Variants in KATNIP observed in about 807,000 individuals in gnomAD.
KATNIP encodes katanin-interacting protein.
A neutral mutation model predicts 174.0 loss-of-function variants in KATNIP; 126 were observed. The observed-to-expected ratio is 0.72, with a 90% CI of 0.63 to 0.84. KATNIP has a LOEUF of 0.84. KATNIP is among the 40% of genes least tolerant of loss of function. The pLI is 0.00. For missense variants in KATNIP, 1,958 were observed against 2,109.7 expected (o/e 0.93, Z 1.41); for synonymous variants, 810 against 835.7 (o/e 0.97, Z 0.53).
intron 6 of KATNIP, among the ~76,000 whole-genome samples, chr16:27,661,766 G>C (rs767242212): frequency 6.8e-6 from 1 of 147,274 alleles, no homozygotes; most frequent in Non-Finnish European, 1.5e-5. Context: ...TTGTTTTTCA[G>C]ACAGGGTATT....
intron 14 of KATNIP, among the ~76,000 whole-genome samples, chr16:27,728,992 C>A (rs1363462898): frequency 6.6e-6 from 1 of 152,240 alleles, no homozygotes; most frequent in Non-Finnish European, 1.5e-5. Flanking sequence ...TCCCACCTGC[C>A]TCCTGCCAGG....
At chr16:27,749,453 T>C in intron 15 of KATNIP, 131 bp from the exon 16 acceptor site, 1 of 1,089,858 alleles carries the variant, frequency 9.2e-7, no homozygotes, top group Non-Finnish European at 1.3e-6. Flanking sequence ...ACAACCCCGC[T>C]GGTTTCTAGA....
intron 14 of KATNIP, among the ~76,000 whole-genome samples, chr16:27,733,736 G>A (rs1185272437): frequency 1.3e-5 from 2 of 152,162 alleles, no homozygotes; most frequent in Admixed American, 6.5e-5. Flanking sequence ...GACGACTGGA[G>A]GGGGAGGAAG....
At chr16:27,635,459 A>G (rs1487446085) in intron 5 of KATNIP, among the ~76,000 whole-genome samples, 6 of 152,196 alleles carry the variant, frequency 3.9e-5, no homozygotes, top group African/African-American at 1.4e-4. Flanking sequence ...GCTTTTGGGA[A>G]CCAACCTTAA....
At chr16:27,764,331 T>C (rs1415258062) in intron 19 of KATNIP, among the ~76,000 whole-genome samples, 2 of 152,232 alleles carry the variant, frequency 1.3e-5, no homozygotes, top group Non-Finnish European at 2.9e-5. Flanking sequence ...ATTTTAAACA[T>C]ACAGTACTGC....
chr16:27,752,819 G>A (rs2081569789), intron 17 of KATNIP, among the ~76,000 whole-genome samples: 1 of 152,126 alleles, frequency 6.6e-6, no homozygotes, highest in African/African-American at 2.4e-5. Flanking sequence ...CTCCCAAAGT[G>A]CTGGGATTAC....
intron 2 of KATNIP, among the ~76,000 whole-genome samples, chr16:27,600,958 C>A (rs921540044): frequency 5.6e-4 from 85 of 152,172 alleles, no homozygotes; most frequent in African/African-American, 1.9e-3. Context: ...GTCTCAAACT[C>A]CTGACCTCAG....
intron 3 of KATNIP, among the ~76,000 whole-genome samples, chr16:27,623,877 T>C (rs1461094034): frequency 6.6e-6 from 1 of 152,174 alleles, no homozygotes; most frequent in Non-Finnish European, 1.5e-5. Flanking sequence ...CTGCCCTTTG[T>C]GTTCAAAGGG....
At chr16:27,686,885 C>T (rs542464375) in intron 8 of KATNIP, among the ~76,000 whole-genome samples, 25 of 152,248 alleles carry the variant, frequency 1.6e-4, no homozygotes, top group African/African-American at 5.3e-4. Context: ...TTTTTCCTTT[C>T]CCAACTTAAA....
At chr16:27,743,519 G>A (rs2081183275) in intron 15 of KATNIP, among the ~76,000 whole-genome samples, 1 of 152,114 alleles carries the variant, frequency 6.6e-6, no homozygotes, top group Non-Finnish European at 1.5e-5. Context: ...AGGGTAAGGT[G>A]GAAAGAAAGA....
chr16:27,777,676 A>G lies in KATNIP; in HGVS notation c.4618A>G (p.Ile1540Val). ...LAMVSHLVGGILPTCEPTVPY... is the reference protein window; with the variant it reads ...LAMVSHLVGGVLPTCEPTVPY... ...CATGGTGAGCCACCTGGTGGGGGGC[A>G]TCCTGCCCACATGTGAGCCCACCGT... The change falls in exon 26 of 28, where the codon ATC becomes GTC. Residue 1540 changes from isoleucine (I) to valine (V), a missense_variant. Ile to Val is a conservative substitution (Grantham distance 29). Coordinates refer to ENST00000261588, the MANE Select transcript of KATNIP (RefSeq NM_015202.5). The surrounding 1 kb of genome is among the most constrained non-coding windows in gnomAD (Gnocchi z 4.4). 6.2e-7 allele frequency: 1 copy of G among 1,614,042 alleles called. No individual in the cohort carries two copies. The highest frequency in any genetic ancestry group is 8.5e-7 in the Non-Finnish European group (1 of 1,180,000).
chr16:27,761,214 G>A lies in KATNIP; in HGVS notation c.3632-199G>A, dbSNP rs12449172. Among the ~76,000 whole-genome samples the A allele has an allele frequency of 7.9e-3, 1,210 of 152,336 alleles. 13 individuals are homozygous for A. Among genetic ancestry groups the A allele is most frequent in the Non-Finnish European group, 0.012 (807 of 68,034 alleles). On this transcript the variant is annotated intron_variant, in intron 18 of 27. Coordinates refer to ENST00000261588, the MANE Select transcript of KATNIP (RefSeq NM_015202.5). ...TTAACCCTCGCCCATGCAGCTTACC[G>A]TTGTTTCCTGAGCACTGACAGTGGC...
chr16:27,757,628 T>G, intron 18 of KATNIP: 3 of 579,032 alleles, frequency 5.2e-6, no homozygotes, highest in Non-Finnish European at 4.4e-6. Flanking sequence ...GTAATTTCTC[T>G]TCTCTTCTCA....
rs1317952177 is a variant in KATNIP at position 27,778,619 on chromosome 16, G to A, written c.4847G>A (p.Arg1616Gln). Residue 1616 changes from arginine to glutamine, a missense_variant, in exon 28 of 28, where the codon CGG becomes CAG. By Grantham distance (43) the Arg-to-Gln change is conservative. Coordinates refer to ENST00000261588, the MANE Select transcript of KATNIP (RefSeq NM_015202.5). ...ATCAGCGAGAAGGAGACGAGACGAC[G>A]GCGCTGCTGACTGGTGAAGGAGGGA... The part of the protein sequence containing the change: ...TCISEKETRR[R>Q]RC 17 of 1,613,618 alleles carry A rather than the reference G, an allele frequency of 1.1e-5. No individual in the cohort carries two copies. The highest frequency in any genetic ancestry group is 2.2e-5 in the East Asian group (1 of 44,868).
chr16:27,780,032 C>T lies in KATNIP; in HGVS notation c.*1403C>T, dbSNP rs554639613. On this transcript the variant is annotated 3_prime_UTR_variant, in exon 28 of 28. Transcript: ENST00000261588. ...CCATCATTTCTCCAGCTTCCAAGCC[C>T]CCGGCACCTCTGCTCAGCTCCCAGA... is the stretch of plus-strand genomic sequence containing the variant. The T allele has an allele frequency of 6.6e-6, 1 of 152,146 alleles. No homozygotes were observed. Among genetic ancestry groups the T allele is most frequent in the South Asian group, 2.1e-4 (1 of 4,830 alleles). 9.4% of individuals were successfully genotyped at this position (152,146 alleles called of 1,614,324 possible).
chr16:27,550,681 T>C (rs1231237374), intron 1 of KATNIP, among the ~76,000 whole-genome samples: 1 of 152,190 alleles, frequency 6.6e-6, no homozygotes, highest in African/African-American at 2.4e-5. Context: ...ACTCTGTAAG[T>C]ACTCTTGGGC....
At position 27,773,225 on chromosome 16, in the gene KATNIP, C is replaced by G; in HGVS notation, c.4309+16C>G. The G allele has an allele frequency of 6.5e-7, 1 of 1,536,910 alleles. No homozygotes were observed. ...TCGGAAAACAGTATCCTTTGTAGGA[C>G]AGGAGTGGGCTCCACCCAGACTGAA... On this transcript the variant is annotated intron_variant, in intron 23 of 27. Transcript: ENST00000261588.
At chr16:27,662,049 C>CATATATATATAT (rs750894792) in intron 6 of KATNIP, among the ~76,000 whole-genome samples, 1 of 8,638 alleles carries the variant, frequency 1.2e-4, no homozygotes, top group Non-Finnish European at 2.1e-4. Context: ...TATACACATA[C>CATATATATATAT]ATATATATAT....
chr16:27,627,304 A>T (rs1479790736), intron 3 of KATNIP, among the ~76,000 whole-genome samples: 1 of 152,176 alleles, frequency 6.6e-6, no homozygotes, highest in Non-Finnish European at 1.5e-5. Context: ...CGTTGCTTAA[A>T]CTGGCCTTAT....
Sources: allele counts gnomAD v4.1 joint callset (sites outside exome capture counted in the v4.1 genomes callset), GRCh38; gene constraint gnomAD v4.1.1; non-coding constraint Gnocchi (gnomAD v3.1); transcripts MANE v1.5; gene names NCBI Gene and HGNC (gene_info 2026-07-23, HGNC 2026-07-21).